CPS1: variants seen among roughly 807,000 people sequenced by gnomAD.
The protein encoded by CPS1 is carbamoyl-phosphate synthase 1, also known as carbamoyl-phosphate synthase [ammonia], mitochondrial.
A neutral mutation model predicts 174.6 loss-of-function variants in CPS1; 109 were observed. The observed-to-expected ratio is 0.62, with a 90% CI of 0.53 to 0.73. The LOEUF (loss-of-function observed/expected upper bound fraction) is 0.73, where lower values mean the gene tolerates loss of function less well. Ranked by LOEUF, CPS1 falls within the 30% of genes least tolerant of loss-of-function variation. The pLI, the probability that CPS1 is intolerant of heterozygous loss-of-function variation, is 0.00. For synonymous variants in CPS1, 637 were observed against 632.0 expected (o/e 1.01, Z -0.12); for missense variants, 1,689 against 1,821.9 (o/e 0.93, Z 1.33).
Position 210,521,988 on chromosome 2 carries a change from G to A in CPS1, c.4-34731G>A, listed in dbSNP as rs183945723. Among the ~76,000 whole-genome samples, 17 of 151,984 alleles carry A rather than the reference G, an allele frequency of 1.1e-4. No homozygotes were observed. The East Asian group carries it at 3.1e-3, about 28-fold the overall frequency. On this transcript the variant is annotated intron_variant, in intron 1 of 38. Transcript: ENST00000430249. ...ATCTTGCTCTTATGACTTCTTAGGT[G>A]GAATCAGACCCACATATAGACTATG...
chr2:210,619,583 A>C (rs1440578747), intron 21 of CPS1: 1 of 152,058 alleles, frequency 6.6e-6, no homozygotes. Flanking sequence ...TTTGCAATGT[A>C]TCATTTCTTA....
At chr2:210,520,842 C>T (rs546948546) in intron 1 of CPS1, among the ~76,000 whole-genome samples, 27 of 151,966 alleles carry the variant, frequency 1.8e-4, no homozygotes, top group Non-Finnish European at 2.8e-4. Flanking sequence ...TTTTTACTCA[C>T]TCACCTGTAT....
rs1406035411 is a variant in CPS1, at chr2:210,647,931, G to A, written c.3210G>A (p.Lys1070=). The A allele has an allele frequency of 6.2e-7, 1 of 1,614,054 alleles. No individual in the cohort carries two copies. The highest frequency in any genetic ancestry group is 1.1e-5 in the South Asian group (1 of 91,088). The change falls in exon 26 of 38, where the codon AAG becomes AAA. Residue 1070 remains lysine (K), a synonymous_variant. Transcript: ENST00000233072. ...IPNNLAVPLY[K]NGVKIMGTSP... Reference sequence around the variant, plus strand: ...ACAACCTGGCAGTTCCTCTATACAAGAATGGTGTCAAGATCATGGGCACAA... The same window carrying A: ...ACAACCTGGCAGTTCCTCTATACAAAAATGGTGTCAAGATCATGGGCACAA...
chr2:210,489,581 G>A (rs1486644533), intron 1 of CPS1, among the ~76,000 whole-genome samples: 2 of 152,084 alleles, frequency 1.3e-5, no homozygotes, highest in Non-Finnish European at 2.9e-5. Flanking sequence ...TTCTAATTTG[G>A]AGGTCACAGG....
chr2:210,637,040 C>T (rs1700061293), intron 21 of CPS1, among the ~76,000 whole-genome samples: 1 of 152,128 alleles, frequency 6.6e-6, no homozygotes, highest in Non-Finnish European at 1.5e-5. Flanking sequence ...GAAGATGATT[C>T]TCAAAGTTCA....
chr2:210,630,900 A>T (rs934115563), intron 21 of CPS1, among the ~76,000 whole-genome samples: 3 of 151,944 alleles, frequency 2.0e-5, no homozygotes, highest in African/African-American at 4.8e-5. Context: ...GCAGTAAAAA[A>T]CTCAAGAGAG....
At chr2:210,578,381 A>G (rs111784816) in intron 4 of CPS1, among the ~76,000 whole-genome samples, 1,677 of 152,284 alleles carry the variant, frequency 0.011, 26 homozygotes, top group African/African-American at 0.039. Context: ...AAGTGCTGGG[A>G]TTACAGGCTC....
At chr2:210,642,406 G>A in intron 24 of CPS1, 78 bp from the exon 25 acceptor site, 1 of 1,513,654 alleles carries the variant, frequency 6.6e-7, no homozygotes. Context: ...GGACTGACTG[G>A]TGATACATTT....
intron 1 of CPS1, among the ~76,000 whole-genome samples, chr2:210,544,832 G>A (rs1413268911): frequency 6.6e-6 from 1 of 151,862 alleles, no homozygotes; most frequent in Non-Finnish European, 1.5e-5. Context: ...AGATATTTAG[G>A]GAATGTATTT....
chr2:210,481,429 G>A (rs1490263851), intron 1 of CPS1, among the ~76,000 whole-genome samples: 11 of 152,192 alleles, frequency 7.2e-5, no homozygotes, highest in Non-Finnish European at 1.3e-4. Flanking sequence ...TCAGGACGCT[G>A]AATTGTTAAT....
chr2:210,562,888 C>T (rs747217660), intron 1 of CPS1, among the ~76,000 whole-genome samples: 7 of 143,530 alleles, frequency 4.9e-5, no homozygotes, highest in Non-Finnish European at 9.1e-5. Context: ...TTTTTTCAAA[C>T]CTTTTATGGA....
intron 1 of CPS1, among the ~76,000 whole-genome samples, chr2:210,550,682 A>G (rs1332915643): frequency 6.6e-5 from 10 of 151,996 alleles, no homozygotes; most frequent in Admixed American, 4.6e-4. Context: ...ACTTACTGGC[A>G]TAACAGCAAG....
At chr2:210,528,877 C>G (rs1204776354) in intron 1 of CPS1, among the ~76,000 whole-genome samples, 4 of 138,578 alleles carry the variant, frequency 2.9e-5, no homozygotes, top group African/African-American at 1.1e-4. Context: ...TTGTGGCTAG[C>G]TGACTATGAG....
At chr2:210,483,717 A>C (rs1694636718) in intron 1 of CPS1, among the ~76,000 whole-genome samples, 1 of 152,210 alleles carries the variant, frequency 6.6e-6, no homozygotes, top group South Asian at 2.1e-4. Context: ...AATATTTAGG[A>C]ACACAGTTCA....
chr2:210,548,755 T>C (rs933226547), intron 1 of CPS1, among the ~76,000 whole-genome samples: 3 of 152,042 alleles, frequency 2.0e-5, no homozygotes, highest in Non-Finnish European at 4.4e-5. Context: ...TAAAAAAAGG[T>C]ACTCCTGCCC....
intron 1 of CPS1, among the ~76,000 whole-genome samples, chr2:210,479,325 C>T (rs1409681103): frequency 7.2e-6 from 1 of 138,520 alleles, no homozygotes; most frequent in Non-Finnish European, 1.5e-5. Flanking sequence ...CCTTATCATT[C>T]TTTCTTTTTT....
upstream of CPS1, chr2:210,556,403 G>T (rs1328436584): frequency 3.9e-6 from 2 of 509,716 alleles, no homozygotes; most frequent in Non-Finnish European, 7.5e-6. Flanking sequence ...CCATTCAGCT[G>T]CATAAACAAT....
At chr2:210,607,329 A>G (rs1222697813) in intron 18 of CPS1, among the ~76,000 whole-genome samples, 5 of 151,972 alleles carry the variant, frequency 3.3e-5, no homozygotes, top group Admixed American at 3.3e-4. Flanking sequence ...AATATAGCTC[A>G]CTTGACTCAA....
chr2:210,629,764 C>G (rs1379835018), intron 21 of CPS1, among the ~76,000 whole-genome samples: 1 of 150,864 alleles, frequency 6.6e-6, no homozygotes, highest in Non-Finnish European at 1.5e-5. Context: ...AAATTAAGAA[C>G]CATGGGCCGG....
Sources: gnomAD v4.1 joint callset for allele counts (sites outside exome capture counted in the v4.1 genomes callset) on GRCh38, gnomAD v4.1.1 for gene constraint, MANE v1.5 for transcripts, NCBI Gene and HGNC (gene_info 2026-07-23, HGNC 2026-07-21) for gene names.